KCNB2: variants seen among roughly 807,000 people sequenced by gnomAD.
KCNB2 encodes the protein potassium voltage-gated channel subfamily B member 2.
KCNB2 carries 15 observed loss-of-function variants against 61.5 expected under a neutral mutation model. The ratio of observed to expected loss-of-function variants is 0.24; its 90% CI spans 0.16 to 0.38. The LOEUF is 0.38. KCNB2 is among the 10% of genes least tolerant of loss of function. KCNB2 has a pLI of 1.00. For synonymous variants in KCNB2, 457 were observed against 446.0 expected (o/e 1.02, Z -0.31); for missense variants, 828 against 1,125.2 (o/e 0.74, Z 3.78).
intron 2 of KCNB2, among the ~76,000 whole-genome samples, chr8:72,909,242 C>T (rs948437147): frequency 6.6e-6 from 1 of 152,078 alleles, no homozygotes; most frequent in Non-Finnish European, 1.5e-5. Flanking sequence ...CCAGGTGACA[C>T]GTGGTCCCAC....
rs371284520 is a variant in KCNB2 at position 72,761,766 on chromosome 8, G to A, written c.580-174169G>A. ...AAAATCCATTAGCTATGAAAGTTAC[G>A]GCATTGATTTTAGAATAAAATACTG... is the stretch of plus-strand genomic sequence containing the variant. On this transcript the variant is annotated intron_variant, in intron 2 of 2. Coordinates refer to ENST00000523207, the MANE Select transcript of KCNB2 (RefSeq NM_004770.3). Among the ~76,000 whole-genome samples the A allele has an allele frequency of 2.0e-5, 3 of 148,918 alleles. No individual in the cohort carries two copies. In the Admixed American group the frequency reaches 2.0e-4, roughly 10 times the overall value.
At chr8:72,854,558 T>C (rs900702188) in intron 2 of KCNB2, among the ~76,000 whole-genome samples, 12 of 152,156 alleles carry the variant, frequency 7.9e-5, no homozygotes, top group Admixed American at 7.9e-4. Flanking sequence ...GAGAAACATA[T>C]ACGACACCTG....
At chr8:72,566,713 A>G (rs1308083451) in intron 1 of KCNB2, among the ~76,000 whole-genome samples, 1 of 147,312 alleles carries the variant, frequency 6.8e-6, no homozygotes, top group Non-Finnish European at 1.5e-5. Flanking sequence ...TCTATTTCAA[A>G]AAAAAAAAAA....
chr8:72,738,346 A>G (rs201872424), intron 2 of KCNB2, among the ~76,000 whole-genome samples: 1 of 18,194 alleles, frequency 5.5e-5, no homozygotes, highest in African/African-American at 5.4e-4. Context: ...CTGAACTCTG[A>G]CTGTAGGCAG....
intron 2 of KCNB2, among the ~76,000 whole-genome samples, chr8:72,886,027 T>A (rs1482206271): frequency 6.6e-6 from 1 of 152,194 alleles, no homozygotes. Context: ...AAACATGTTA[T>A]TCCCTACCTT....
chr8:72,864,603 A>T (rs1805482582), intron 2 of KCNB2, among the ~76,000 whole-genome samples: 1 of 152,190 alleles, frequency 6.6e-6, no homozygotes, highest in African/African-American at 2.4e-5. Flanking sequence ...GGATCAAGAT[A>T]GGTGAGGTTT....
intron 2 of KCNB2, among the ~76,000 whole-genome samples, chr8:72,842,742 C>G (rs1171746650): frequency 6.6e-6 from 1 of 152,198 alleles, no homozygotes; most frequent in Admixed American, 6.5e-5. Flanking sequence ...ATAGTATTCT[C>G]TCATGGTAGT....
chr8:72,598,540 C>G (rs1283728501), intron 2 of KCNB2, among the ~76,000 whole-genome samples: 1 of 152,156 alleles, frequency 6.6e-6, no homozygotes, highest in Admixed American at 6.6e-5. Context: ...AAAACTGGCA[C>G]AAGACAAGAA....
At position 72,936,703 on chromosome 8, in the gene KCNB2, G is replaced by T; in HGVS notation, c.1348G>T (p.Val450Phe). 1 of 1,614,124 alleles carries T rather than the reference G, an allele frequency of 6.2e-7. No homozygotes were observed. Among genetic ancestry groups the T allele is most frequent in the Non-Finnish European group, 8.5e-7 (1 of 1,180,022 alleles). The change falls in exon 3 of 3, where the codon GTT (valine) becomes TTT (phenylalanine). Residue 450 changes from valine to phenylalanine, a missense_variant. This residue lies in a region of KCNB2 where 559 missense variants were observed against 588.4 expected (regional missense o/e 0.95). Transcript: ENST00000523207. The surrounding 1 kb of genome is among the most constrained non-coding windows in gnomAD (Gnocchi z 5.6). ...GCGGGCCAAAAGGAACGGAAGCATC[G>T]TTTCTATGAACTTAAAAGATGCCTT... Reference protein sequence around the residue: ...LERAKRNGSIVSMNLKDAFAR... With the variant: ...LERAKRNGSIFSMNLKDAFAR...
At chr8:72,861,167 C>CGTCTTGCTG (rs1368387379) in intron 2 of KCNB2, among the ~76,000 whole-genome samples, 2 of 29,018 alleles carry the variant, frequency 6.9e-5, no homozygotes, top group Non-Finnish European at 2.5e-4. Flanking sequence ...TGCTTTTCAG[C>CGTCTTGCTG]TTAAGTGTCT....
intron 2 of KCNB2, among the ~76,000 whole-genome samples, chr8:72,776,900 T>A (rs1454232487): frequency 6.6e-6 from 1 of 152,118 alleles, no homozygotes; most frequent in Non-Finnish European, 1.5e-5. Context: ...AATGAGAGGG[T>A]TCAATGACTT....
chr8:72,903,644 G>A (rs11994285), intron 2 of KCNB2, among the ~76,000 whole-genome samples: 130,681 of 152,200 alleles, frequency 0.86, 56,957 homozygotes, highest in Middle Eastern at 0.95. Context: ...TGGCCAGAGA[G>A]TGAGGTTCAA....
At chr8:72,719,535 C>T (rs149379797) in intron 2 of KCNB2, among the ~76,000 whole-genome samples, 1 of 152,006 alleles carries the variant, frequency 6.6e-6, no homozygotes, top group South Asian at 2.1e-4. Context: ...TGCCAAGTGG[C>T]TAGCGTTTTC....
chr8:72,629,647 A>G (rs1440528061), intron 2 of KCNB2, among the ~76,000 whole-genome samples: 1 of 152,142 alleles, frequency 6.6e-6, no homozygotes, highest in East Asian at 1.9e-4. Context: ...ACATGAATTG[A>G]GAATAGAAGA....
At chr8:72,659,948 G>T (rs1434312468) in intron 2 of KCNB2, among the ~76,000 whole-genome samples, 2 of 152,264 alleles carry the variant, frequency 1.3e-5, no homozygotes, top group Admixed American at 1.3e-4. Flanking sequence ...GTGGTGATCT[G>T]CAACTTAACC....
chr8:72,781,992 T>G (rs1431798064), intron 2 of KCNB2, among the ~76,000 whole-genome samples: 4 of 152,112 alleles, frequency 2.6e-5, no homozygotes, highest in Non-Finnish European at 4.4e-5. Flanking sequence ...TCAGGATAAA[T>G]ATCTAATCCA....
intron 2 of KCNB2, among the ~76,000 whole-genome samples, chr8:72,934,364 A>G (rs944442611): frequency 6.7e-6 from 1 of 149,328 alleles, no homozygotes; most frequent in Admixed American, 6.7e-5. Flanking sequence ...CCTGGATGAC[A>G]GAACAAAACC....
At chr8:72,802,283 C>G (rs901953468) in intron 2 of KCNB2, among the ~76,000 whole-genome samples, 1 of 152,262 alleles carries the variant, frequency 6.6e-6, no homozygotes, top group Non-Finnish European at 1.5e-5. Context: ...AATGGATAGA[C>G]GTGGCATTAA....
At chr8:72,631,945 G>A (rs943982133) in intron 2 of KCNB2, among the ~76,000 whole-genome samples, 3 of 152,100 alleles carry the variant, frequency 2.0e-5, no homozygotes, top group African/African-American at 7.2e-5. Context: ...CATTTTTAAA[G>A]GGTTAAGTGG....
Sources: gnomAD v4.1 joint callset for allele counts (sites outside exome capture counted in the v4.1 genomes callset) on GRCh38, gnomAD v4.1.1 for gene constraint, gnomAD v4.1.1 regional missense constraint, Gnocchi (gnomAD v3.1) non-coding constraint, MANE v1.5 for transcripts, NCBI Gene and HGNC (gene_info 2026-07-23, HGNC 2026-07-21) for gene names.